Variants in CCDC148 observed in about 807,000 individuals in gnomAD.
The protein encoded by CCDC148 is coiled-coil domain-containing protein 148.
Under a neutral mutation model 85.7 loss-of-function variants are expected in CCDC148, and 89 were observed. The observed-to-expected ratio is 1.04, with a 90% CI of 0.87 to 1.24. The LOEUF (loss-of-function observed/expected upper bound fraction) is 1.24. Among genes scored for constraint, CCDC148 ranks in the 50% most tolerant of loss-of-function variants. The pLI is 0.00. For synonymous variants in CCDC148, 230 were observed against 213.9 expected, an observed-to-expected ratio of 1.08 and a Z score of -0.66; for missense variants, 692 against 671.7, an observed-to-expected ratio of 1.03 and a Z score of -0.33.
chr2:158,195,994 C>G (rs1455817341), intron 11 of CCDC148, among the ~76,000 whole-genome samples: 1 of 152,136 alleles, frequency 6.6e-6, no homozygotes, highest in Non-Finnish European at 1.5e-5. Context: ...ATTAGCTCCT[C>G]ATGGGACTTA....
At chr2:158,391,606 A>G (rs929529157) in intron 1 of CCDC148, among the ~76,000 whole-genome samples, 1 of 152,190 alleles carries the variant, frequency 6.6e-6, no homozygotes, top group East Asian at 1.9e-4. Flanking sequence ...AGATCCCTCT[A>G]TTAGGAACCC....
chr2:158,305,800 A>T (rs111354551), intron 9 of CCDC148, among the ~76,000 whole-genome samples: 2,244 of 150,842 alleles, frequency 0.015, 25 homozygotes, highest in Middle Eastern at 0.079. Context: ...CCTCTGAGGC[A>T]CAGGCTCACC....
At chr2:158,256,923 G>A (rs1358037015) in intron 9 of CCDC148, among the ~76,000 whole-genome samples, 4 of 151,752 alleles carry the variant, frequency 2.6e-5, no homozygotes, top group African/African-American at 9.7e-5. Context: ...AATAAGGGCA[G>A]GGACCAGATC....
chr2:158,277,837 C>T (rs537325361), intron 9 of CCDC148, among the ~76,000 whole-genome samples: 1 of 152,132 alleles, frequency 6.6e-6, no homozygotes, highest in South Asian at 2.1e-4. Context: ...ACCTTGTGAT[C>T]CGCCCACTTC....
chr2:158,402,776 T>A (rs1052869138), intron 1 of CCDC148, among the ~76,000 whole-genome samples: 5 of 152,110 alleles, frequency 3.3e-5, no homozygotes, highest in Non-Finnish European at 5.9e-5. Context: ...TTAGATAGTA[T>A]AACTTTGCCA....
intron 9 of CCDC148, among the ~76,000 whole-genome samples, chr2:158,277,651 C>T (rs1401856284): frequency 1.3e-5 from 2 of 151,136 alleles, no homozygotes; most frequent in African/African-American, 4.9e-5. Context: ...GGCTGGAGTG[C>T]AGTGGCGTGA....
At chr2:158,433,981 T>A (rs962546217) in intron 1 of CCDC148, among the ~76,000 whole-genome samples, 2 of 152,168 alleles carry the variant, frequency 1.3e-5, no homozygotes, top group Non-Finnish European at 2.9e-5. Context: ...AAAGCTCCAA[T>A]TGGGTGAAGC....
intron 9 of CCDC148, among the ~76,000 whole-genome samples, chr2:158,258,818 A>G (rs1230729667): frequency 1.3e-5 from 2 of 151,846 alleles, no homozygotes; most frequent in African/African-American, 4.8e-5. Flanking sequence ...AATATTTTCA[A>G]AACAGATGTC....
chr2:158,281,604 A>G (rs1394932587), intron 9 of CCDC148, among the ~76,000 whole-genome samples: 1 of 152,210 alleles, frequency 6.6e-6, no homozygotes, highest in African/African-American at 2.4e-5. Flanking sequence ...GAATAGACCA[A>G]TAACAGGAAG....
chr2:158,344,203 C>G (rs763042054), intron 3 of CCDC148, among the ~76,000 whole-genome samples: 7 of 152,032 alleles, frequency 4.6e-5, no homozygotes, highest in African/African-American at 1.4e-4. Flanking sequence ...ACATTCACTC[C>G]ATAAAAGGTG....
chr2:158,244,911 G>A (rs990439728), intron 10 of CCDC148, among the ~76,000 whole-genome samples: 2 of 152,058 alleles, frequency 1.3e-5, no homozygotes, highest in Non-Finnish European at 2.9e-5. Flanking sequence ...TTTAAAGCCT[G>A]GGAATTTTTT....
At chr2:158,216,143 G>C (rs769615983) in intron 11 of CCDC148, among the ~76,000 whole-genome samples, 10 of 151,652 alleles carry the variant, frequency 6.6e-5, no homozygotes, top group Non-Finnish European at 1.5e-4. Context: ...ATTTTATATA[G>C]GTACATATAA....
chr2:158,241,868 T>C lies in CCDC148; in HGVS notation c.1251+8904A>G, dbSNP rs139545763. ...AATAAAACACAGATTAGAAGACTTA[T>C]GTATATAGTTTACAATAAGGTCAGC... On this transcript the variant is annotated intron_variant, in intron 10 of 13. Coordinates refer to ENST00000283233, the MANE Select transcript of CCDC148 (RefSeq NM_138803.4). Among the ~76,000 whole-genome samples, 18 of 152,326 alleles carry C rather than the reference T, an allele frequency of 1.2e-4. No homozygotes were observed. The East Asian group carries it at 3.3e-3, about 28-fold the overall frequency.
chr2:158,343,117 T>C (rs1403345771), intron 3 of CCDC148, among the ~76,000 whole-genome samples: 1 of 152,170 alleles, frequency 6.6e-6, no homozygotes. Context: ...ACGCCTAGGC[T>C]GAAGTGATCC....
At chr2:158,282,476 C>A (rs1336702188) in intron 9 of CCDC148, among the ~76,000 whole-genome samples, 1 of 152,180 alleles carries the variant, frequency 6.6e-6, no homozygotes, top group East Asian at 1.9e-4. Context: ...CATTCCCATA[C>A]ACCAATAACA....
chr2:158,402,109 A>G (rs559131365), intron 1 of CCDC148, among the ~76,000 whole-genome samples: 57 of 152,194 alleles, frequency 3.7e-4, no homozygotes, highest in Non-Finnish European at 6.9e-4. Flanking sequence ...TGTCTTTTAC[A>G]AAGTACTTTC....
intron 11 of CCDC148, among the ~76,000 whole-genome samples, chr2:158,180,008 G>A (rs539579866): frequency 6.6e-6 from 1 of 152,218 alleles, no homozygotes; most frequent in South Asian, 2.1e-4. Flanking sequence ...CCATCTCCTT[G>A]CCCAAGCTAT....
At chr2:158,362,700 C>A (rs1381543584) in intron 1 of CCDC148, among the ~76,000 whole-genome samples, 2 of 152,042 alleles carry the variant, frequency 1.3e-5, no homozygotes, top group Non-Finnish European at 2.9e-5. Context: ...GCACTAAATG[C>A]CCACAAGAGA....
intron 1 of CCDC148, among the ~76,000 whole-genome samples, chr2:158,368,426 A>G (rs1684292608): frequency 6.6e-6 from 1 of 152,120 alleles, no homozygotes; most frequent in Non-Finnish European, 1.5e-5. Context: ...AGAAATTCAA[A>G]GTGGCCACAT....
Sources: allele counts gnomAD v4.1 joint callset (sites outside exome capture counted in the v4.1 genomes callset), GRCh38; gene constraint gnomAD v4.1.1; transcripts MANE v1.5; gene names NCBI Gene and HGNC (gene_info 2026-07-23, HGNC 2026-07-21).